Variants in HDX observed in about 807,000 individuals in gnomAD.
HDX encodes the protein highly divergent homeobox.
Under a neutral mutation model 45.2 loss-of-function variants are expected in HDX, and 19 were observed. That is an observed-to-expected ratio of 0.42 (90% confidence interval 0.29 to 0.62). HDX has a LOEUF of 0.62. Among genes scored for constraint, HDX ranks in the 20% least tolerant of loss-of-function variants. HDX has a pLI of 0.20. For synonymous variants in HDX, 188 were observed against 172.8 expected (o/e 1.09, Z -0.69); for missense variants, 532 against 493.9 (o/e 1.08, Z -0.73).
intron 1 of HDX, among the ~76,000 whole-genome samples, chrX:84,488,689 A>AT (rs2148190822): frequency 9.0e-6 from 1 of 111,465 alleles, no homozygotes; most frequent in South Asian, 3.7e-4. Context: ...TTTGAGCAAT[A>AT]AAATTTTATT....
At chrX:84,478,368 A>G (rs1365916256) in intron 2 of HDX, among the ~76,000 whole-genome samples, 1 of 111,684 alleles carries the variant, frequency 9.0e-6, no homozygotes, top group African/African-American at 3.3e-5. Flanking sequence ...TGAAAAATAC[A>G]GCTTCTAAGA....
At chrX:84,437,747 G>A (rs2039670042) in intron 5 of HDX, among the ~76,000 whole-genome samples, 1 of 111,202 alleles carries the variant, frequency 9.0e-6, no homozygotes, top group African/African-American at 3.3e-5. Context: ...ACACTTTTTA[G>A]ACTAGTTGCC....
At chrX:84,341,195 G>T (rs2037077389) in intron 7 of HDX, among the ~76,000 whole-genome samples, 1 of 110,502 alleles carries the variant, frequency 9.0e-6, no homozygotes, top group Non-Finnish European at 1.9e-5. Context: ...CACTCAGCAG[G>T]CTCTAAAACA....
chrX:84,475,482 T>C, intron 2 of HDX, 85 bp from the exon 3 acceptor site: 2 of 540,103 alleles, frequency 3.7e-6, no homozygotes, highest in Non-Finnish European at 2.9e-6. Flanking sequence ...TAATACAATT[T>C]CAATGCTTCC....
In HDX at chrX:84,472,197, C is replaced by T. The variant is rs373764001; in HGVS notation, c.148-2622G>A. ...GTTTAAGAGTGATTTTAGTGCATTG[C>T]AAATTTATGGCTTACTTATAAAGTT... On this transcript the variant is annotated intron_variant, in intron 3 of 10. Coordinates refer to ENST00000373177, the MANE Select transcript of HDX (RefSeq NM_001177479.2). 1.2e-4 allele frequency among the ~76,000 whole-genome samples: 13 copies of T among 110,396 alleles called. No homozygotes were observed. The East Asian group carries it at 2.3e-3, about 19-fold the overall frequency.
intron 5 of HDX, among the ~76,000 whole-genome samples, chrX:84,368,495 A>G (rs1485632645): frequency 8.9e-6 from 1 of 111,980 alleles, no homozygotes; most frequent in Non-Finnish European, 1.9e-5. Flanking sequence ...TAACTATATG[A>G]GGTGCAATAT....
At chrX:84,401,936 C>T (rs2038716485) in intron 5 of HDX, among the ~76,000 whole-genome samples, 1 of 111,835 alleles carries the variant, frequency 8.9e-6, no homozygotes, top group South Asian at 3.7e-4. Context: ...GAGCAACTAA[C>T]ACAGGAACAG....
chrX:84,473,442 T>A (rs1360722482), intron 3 of HDX, among the ~76,000 whole-genome samples: 3 of 110,118 alleles, frequency 2.7e-5, no homozygotes, highest in Non-Finnish European at 5.7e-5. Flanking sequence ...GGGATTTAGA[T>A]AAAGAAGACT....
intron 5 of HDX, 104 bp downstream of exon 5, chrX:84,440,428 G>A (rs996108348): frequency 5.5e-6 from 3 of 547,659 alleles, no homozygotes; most frequent in Admixed American, 2.7e-5. Context: ...TCCTATCAAG[G>A]TTCAGTTTTG....
chrX:84,445,854 C>A (rs2039860726), intron 4 of HDX, among the ~76,000 whole-genome samples: 1 of 111,385 alleles, frequency 9.0e-6, no homozygotes, highest in Non-Finnish European at 1.9e-5. Flanking sequence ...AAATCTGGTG[C>A]TTAGAAAACT....
At chrX:84,429,888 T>C (rs1271581378) in intron 5 of HDX, among the ~76,000 whole-genome samples, 1 of 110,663 alleles carries the variant, frequency 9.0e-6, no homozygotes, top group Admixed American at 9.7e-5. Flanking sequence ...AAACTAGCTG[T>C]ATATTTAAAT....
rs183065047 is a variant in HDX at position 84,324,264 on chromosome X, A to G, written c.1947+1914T>C. 3.6e-5 allele frequency among the ~76,000 whole-genome samples: 4 copies of G among 111,337 alleles called. No individual in the cohort carries two copies. In the East Asian group the frequency reaches 8.5e-4, roughly 24 times the overall value. On this transcript the variant is annotated intron_variant, in intron 10 of 10. Coordinates refer to ENST00000373177, the MANE Select transcript of HDX (RefSeq NM_001177479.2). Reference sequence around the variant, plus strand: ...CACAAATCAAGATTAATGGAAGAAAACTGAAGATCTTTTTTAAAATTAAAA... The same window carrying G: ...CACAAATCAAGATTAATGGAAGAAAGCTGAAGATCTTTTTTAAAATTAAAA...
rs1210656339 is a variant in HDX at position 84,501,451 on chromosome X, C to T, written c.-110+891G>A. The T allele has an allele frequency of 2.7e-5, 3 of 112,042 alleles. No homozygotes were observed. In the East Asian group the frequency reaches 8.4e-4, roughly 31 times the overall value. 9.2% of individuals were successfully genotyped at this position (112,042 alleles called of 1,213,427 possible). A position where few individuals can be genotyped will look rare whatever the true frequency, so the allele number is the denominator to read the frequency against. The stretch of plus-strand genomic sequence containing the variant: ...TACTCTGAGCCTCCACAATGGACTT[C>T]ATTCTGAGTCTTTCCAAAGAATTTA... On this transcript the variant is annotated intron_variant, in intron 1 of 10. Coordinates refer to ENST00000373177, the MANE Select transcript of HDX (RefSeq NM_001177479.2).
At chrX:84,419,390 G>A (rs2039194648) in intron 5 of HDX, among the ~76,000 whole-genome samples, 1 of 112,049 alleles carries the variant, frequency 8.9e-6, no homozygotes, top group Non-Finnish European at 1.9e-5. Context: ...ATTAGTGGCA[G>A]TCTGGTAGCA....
At chrX:84,368,553 T>A (rs987655719) in intron 5 of HDX, among the ~76,000 whole-genome samples, 1 of 111,965 alleles carries the variant, frequency 8.9e-6, no homozygotes, top group African/African-American at 3.2e-5. Context: ...TGGGAAAAAA[T>A]TAATTTGACT....
chrX:84,453,901 T>G (rs756817235), intron 4 of HDX, among the ~76,000 whole-genome samples: 4 of 111,614 alleles, frequency 3.6e-5, no homozygotes, highest in Non-Finnish European at 7.5e-5. Context: ...AATAAGATAG[T>G]ATCCAAGGAA....
intron 5 of HDX, among the ~76,000 whole-genome samples, chrX:84,439,287 G>A (rs1305251567): frequency 9.0e-6 from 1 of 111,066 alleles, no homozygotes; most frequent in Non-Finnish European, 1.9e-5. Flanking sequence ...GTTCCTTGTA[G>A]ATTCCGGCTG....
At chrX:84,337,727 C>T (rs975927094) in intron 7 of HDX, among the ~76,000 whole-genome samples, 3 of 111,237 alleles carry the variant, frequency 2.7e-5, no homozygotes, top group Non-Finnish European at 5.7e-5. Context: ...TTGTATTTCC[C>T]AGTACTTTCT....
chrX:84,335,736 T>TG (rs774494342), intron 8 of HDX, among the ~76,000 whole-genome samples: 5 of 111,366 alleles, frequency 4.5e-5, no homozygotes, highest in Non-Finnish European at 7.6e-5. Context: ...CAATCAAAGC[T>TG]GTTTTCCTGT....
Sources: gnomAD v4.1 joint callset for allele counts (sites outside exome capture counted in the v4.1 genomes callset) on GRCh38, gnomAD v4.1.1 for gene constraint, MANE v1.5 for transcripts, NCBI Gene and HGNC (gene_info 2026-07-23, HGNC 2026-07-21) for gene names.